The following CTNNA3 variants were observed in gnomAD, a reference collection of about 807,000 sequenced individuals.
CTNNA3 encodes the protein catenin alpha-3.
CTNNA3 carries 76 observed loss-of-function variants against 95.7 expected under a neutral mutation model. The observed-to-expected ratio is 0.79, with a 90% CI of 0.66 to 0.96. The LOEUF (loss-of-function observed/expected upper bound fraction) is 0.96, where lower values mean the gene tolerates loss of function less well. Ranked by LOEUF, CTNNA3 falls within the 40% of genes least tolerant of loss-of-function variation. CTNNA3 has a pLI of 0.00. For synonymous variants in CTNNA3, 431 were observed against 374.4 expected, an observed-to-expected ratio of 1.15 and a Z score of -1.74; for missense variants, 1,191 against 1,089.8, an observed-to-expected ratio of 1.09 and a Z score of -1.31.
intron 7 of CTNNA3, among the ~76,000 whole-genome samples, chr10:66,822,731 A>G (rs7917531): frequency 0.56 from 85,710 of 151,968 alleles, 24,342 homozygotes; most frequent in Admixed American, 0.62. Context: ...AGAGAAAGGG[A>G]AAGAGAACAA....
chr10:67,246,978 A>G (rs1865931379), intron 5 of CTNNA3, among the ~76,000 whole-genome samples: 1 of 152,224 alleles, frequency 6.6e-6, no homozygotes, highest in African/African-American at 2.4e-5. Context: ...TGTGTAAGGA[A>G]TGCATACTCA....
In CTNNA3 at chr10:67,746,622, G is replaced by A. The variant is rs567535456; in HGVS notation, c.-2+16812C>T. On this transcript the variant is annotated intron_variant, in intron 1 of 17. Coordinates refer to the CTNNA3 transcript ENST00000684154. The stretch of plus-strand genomic sequence containing the variant: ...AAGGCAGCCCCCACCTGCAGCCAAG[G>A]GAGACGGTGAGCAGTCGTGCTACCC... Among the ~76,000 whole-genome samples, 7 of 152,210 alleles carry A rather than the reference G, an allele frequency of 4.6e-5. No individual in the cohort carries two copies. In the East Asian group the frequency reaches 1.2e-3, roughly 25 times the overall value.
At chr10:67,288,982 T>C (rs931660663) in intron 5 of CTNNA3, among the ~76,000 whole-genome samples, 1 of 150,840 alleles carries the variant, frequency 6.6e-6, no homozygotes, top group African/African-American at 2.5e-5. Context: ...AAATAACAGA[T>C]AAATGATTTA....
intron 1 of CTNNA3, among the ~76,000 whole-genome samples, chr10:67,674,994 T>G (rs1319730321): frequency 1.3e-5 from 2 of 152,128 alleles, no homozygotes; most frequent in African/African-American, 4.8e-5. Context: ...TTGCCATACA[T>G]TAATATCTAC....
chr10:66,511,526 T>G (rs1479351142), intron 11 of CTNNA3, among the ~76,000 whole-genome samples: 1 of 151,776 alleles, frequency 6.6e-6, no homozygotes, highest in Non-Finnish European at 1.5e-5. Context: ...TGTACTATTT[T>G]TTCTGTGTTC....
At chr10:66,641,142 C>T (rs1413629575) in intron 9 of CTNNA3, among the ~76,000 whole-genome samples, 1 of 151,956 alleles carries the variant, frequency 6.6e-6, no homozygotes, top group Non-Finnish European at 1.5e-5. Flanking sequence ...TATGGCCTAT[C>T]CTTAGGAAGG....
intron 5 of CTNNA3, among the ~76,000 whole-genome samples, chr10:67,235,962 T>C (rs912202636): frequency 6.8e-6 from 1 of 147,460 alleles, no homozygotes; most frequent in Non-Finnish European, 1.5e-5. Flanking sequence ...CACAATGAGA[T>C]ATCATCTCAC....
intron 5 of CTNNA3, among the ~76,000 whole-genome samples, chr10:67,495,881 A>G (rs1197235600): frequency 2.6e-5 from 4 of 152,222 alleles, no homozygotes; most frequent in African/African-American, 9.6e-5. Context: ...CCTAACCTGT[A>G]TAGTAGGCAC....
At chr10:66,058,976 C>G (rs561100709) in intron 15 of CTNNA3, among the ~76,000 whole-genome samples, 38 of 152,108 alleles carry the variant, frequency 2.5e-4, no homozygotes, top group Non-Finnish European at 4.9e-4. Flanking sequence ...ATTGACCTTT[C>G]AAGTTGTGAT....
chr10:67,079,746 G>A (rs1181328741), intron 7 of CTNNA3, among the ~76,000 whole-genome samples: 1 of 151,986 alleles, frequency 6.6e-6, no homozygotes, highest in South Asian at 2.1e-4. Context: ...TGCTCAGGAG[G>A]CTGAGGCAGG....
At chr10:67,247,530 T>C (rs1206910216) in intron 5 of CTNNA3, among the ~76,000 whole-genome samples, 2 of 152,232 alleles carry the variant, frequency 1.3e-5, no homozygotes, top group African/African-American at 4.8e-5. Context: ...TTTAAAGACG[T>C]TCCATGTCAT....
At chr10:66,312,537 T>G (rs2092035311) in intron 12 of CTNNA3, among the ~76,000 whole-genome samples, 1 of 145,144 alleles carries the variant, frequency 6.9e-6, no homozygotes. Context: ...AAACTCTGAG[T>G]CCATGGATTG....
At chr10:66,223,659 C>T (rs1439527538) in intron 13 of CTNNA3, among the ~76,000 whole-genome samples, 1 of 152,162 alleles carries the variant, frequency 6.6e-6, no homozygotes, top group African/African-American at 2.4e-5. Context: ...GTTACCCAGC[C>T]TGTCAATTAT....
intron 7 of CTNNA3, among the ~76,000 whole-genome samples, chr10:66,790,499 A>ATG (rs1421984225): frequency 6.6e-6 from 1 of 152,134 alleles, no homozygotes; most frequent in African/African-American, 2.4e-5. Flanking sequence ...TGTAGCCAAT[A>ATG]TGTTGCAGAG....
intron 3 of CTNNA3, among the ~76,000 whole-genome samples, chr10:67,565,956 C>G (rs1446807120): frequency 7.8e-6 from 1 of 128,978 alleles, no homozygotes; most frequent in Non-Finnish European, 1.6e-5. Flanking sequence ...CAGTGTCCAT[C>G]AATAGATGAA....
At chr10:66,524,944 G>A (rs894063515) in intron 10 of CTNNA3, among the ~76,000 whole-genome samples, 14 of 152,108 alleles carry the variant, frequency 9.2e-5, no homozygotes, top group African/African-American at 3.1e-4. Flanking sequence ...AGCTACTTGG[G>A]AGGCTGAGGC....
At chr10:67,468,173 C>G (rs1847675783) in intron 5 of CTNNA3, among the ~76,000 whole-genome samples, 1 of 151,922 alleles carries the variant, frequency 6.6e-6, no homozygotes, top group Admixed American at 6.6e-5. Context: ...TGATCCTCTC[C>G]CTCCTCCCAC....
At chr10:66,392,294 G>T (rs1190611184) in intron 11 of CTNNA3, among the ~76,000 whole-genome samples, 1 of 151,948 alleles carries the variant, frequency 6.6e-6, no homozygotes, top group African/African-American at 2.4e-5. Context: ...GCCAGGAGTG[G>T]TGGTCCACAC....
chr10:67,410,978 T>A (rs971862358), intron 5 of CTNNA3, among the ~76,000 whole-genome samples: 2 of 152,076 alleles, frequency 1.3e-5, no homozygotes, highest in African/African-American at 4.8e-5. Flanking sequence ...ATGATCAAAC[T>A]TGTGTGTGGA....
Sources: allele counts gnomAD v4.1 joint callset (sites outside exome capture counted in the v4.1 genomes callset), GRCh38; gene constraint gnomAD v4.1.1; transcripts MANE v1.5; gene names NCBI Gene and HGNC (gene_info 2026-07-23, HGNC 2026-07-21).